GPM6A: variants seen among roughly 807,000 people sequenced by gnomAD.
The protein encoded by GPM6A is neuronal membrane glycoprotein M6-a.
Under a neutral mutation model 32.1 loss-of-function variants are expected in GPM6A, and 7 were observed. The ratio of observed to expected loss-of-function variants is 0.22; its 90% confidence interval spans 0.12 to 0.41. The LOEUF is 0.41. Ranked by LOEUF, GPM6A falls within the 10% of genes least tolerant of loss-of-function variation. The pLI is 1.00. For synonymous variants in GPM6A, 130 were observed against 123.4 expected, an observed-to-expected ratio of 1.05 and a Z score of -0.35; for missense variants, 235 against 347.2, an observed-to-expected ratio of 0.68 and a Z score of 2.57.
chr4:175,873,262 T>C (rs986138854), intron 1 of GPM6A, among the ~76,000 whole-genome samples: 9 of 152,068 alleles, frequency 5.9e-5, no homozygotes, highest in African/African-American at 2.2e-4. Flanking sequence ...AAGTACTTTG[T>C]CATTTCTAAT....
At chr4:175,662,352 C>A (rs779514437) in intron 3 of GPM6A, among the ~76,000 whole-genome samples, 2 of 152,168 alleles carry the variant, frequency 1.3e-5, no homozygotes, top group African/African-American at 2.4e-5. Flanking sequence ...GTAATCCCGG[C>A]ACTTTCAGAG....
intron 1 of GPM6A, among the ~76,000 whole-genome samples, chr4:175,882,683 G>A (rs1026157662): frequency 1.3e-5 from 2 of 151,818 alleles, no homozygotes; most frequent in Non-Finnish European, 2.9e-5. Context: ...CAGGTGCTAT[G>A]CCAGACATGT....
intron 1 of GPM6A, among the ~76,000 whole-genome samples, chr4:175,933,600 T>A (rs1419886455): frequency 6.8e-6 from 1 of 148,128 alleles, no homozygotes; most frequent in African/African-American, 2.5e-5. Context: ...TTGTTTGTTT[T>A]TTCACGATCT....
rs978087286 is a variant in GPM6A at position 175,968,525 on chromosome 4, A to G, written c.-23+33784T>C. Among the ~76,000 whole-genome samples the G allele has an allele frequency of 1.1e-4, 16 of 152,194 alleles. 1 individual carries two copies. Among genetic ancestry groups the G allele is most frequent in the Admixed American group, 9.8e-4 (15 of 15,284 alleles). On this transcript the variant is annotated intron_variant, in intron 1 of 7. Coordinates refer to the GPM6A transcript ENST00000280187. ...TGGGAGAAAAATCTTTGCAAAACAC[A>G]TATTTGATTAATGACTGGCATCCAA...
intron 1 of GPM6A, among the ~76,000 whole-genome samples, chr4:175,886,422 G>T (rs189784346): frequency 3.2e-4 from 49 of 152,238 alleles, no homozygotes; most frequent in African/African-American, 1.2e-3. Flanking sequence ...TGCCTTTCAA[G>T]AAAGAGTGTG....
intron 6 of GPM6A, among the ~76,000 whole-genome samples, chr4:175,635,289 A>C (rs761947511): frequency 5.3e-5 from 8 of 152,068 alleles, no homozygotes; most frequent in Non-Finnish European, 1.2e-4. Context: ...TCTCCTTTTC[A>C]ATTCTTGGAA....
chr4:175,927,899 GA>G (rs544991257), intron 1 of GPM6A, among the ~76,000 whole-genome samples: 1 of 152,088 alleles, frequency 6.6e-6, no homozygotes, highest in African/African-American at 2.4e-5. Flanking sequence ...AGAAAAAAAA[GA>G]ATAAAGATAT....
intron 1 of GPM6A, chr4:175,962,634 G>A (rs529460926): frequency 8.3e-6 from 2 of 241,972 alleles, no homozygotes; most frequent in South Asian, 5.9e-5. Context: ...ACGGACACCT[G>A]AGGATATTTT....
chr4:175,666,241 G>A (rs988640892), intron 3 of GPM6A, among the ~76,000 whole-genome samples: 1 of 151,964 alleles, frequency 6.6e-6, no homozygotes, highest in African/African-American at 2.4e-5. Context: ...CTTTTGACCC[G>A]TGTTCCCAAT....
At chr4:175,886,406 C>T (rs989280760) in intron 1 of GPM6A, among the ~76,000 whole-genome samples, 2 of 152,084 alleles carry the variant, frequency 1.3e-5, no homozygotes, top group African/African-American at 2.4e-5. Flanking sequence ...TTAAAGCAGG[C>T]TAAATTGCCT....
Position 175,669,308 on chromosome 4 carries a change from G to T in GPM6A, c.387+4372C>A, listed in dbSNP as rs144818703. On this transcript the variant is annotated intron_variant, in intron 3 of 6. Transcript: ENST00000393658. Reference sequence around the variant, plus strand: ...TGTGGCCAAATCTACAAACACCTGAGGCTAATAAGACAGATGTTTTAAACT... The same window carrying T: ...TGTGGCCAAATCTACAAACACCTGATGCTAATAAGACAGATGTTTTAAACT... Among the ~76,000 whole-genome samples the T allele has an allele frequency of 5.1e-3, 783 of 152,192 alleles. 9 individuals are homozygous for T. Among genetic ancestry groups the T allele is most frequent in the African/African-American group, 0.018 (754 of 41,526 alleles).
intron 1 of GPM6A, among the ~76,000 whole-genome samples, chr4:175,785,383 T>G (rs1733761680): frequency 6.6e-6 from 1 of 152,190 alleles, no homozygotes; most frequent in Non-Finnish European, 1.5e-5. Flanking sequence ...GAAGAATGAA[T>G]CAGACAACCC....
intron 1 of GPM6A, among the ~76,000 whole-genome samples, chr4:175,953,029 T>A (rs1330983062): frequency 2.1e-5 from 3 of 139,674 alleles, no homozygotes; most frequent in African/African-American, 7.7e-5. Context: ...GACCCTGTTT[T>A]TAAAAAAAAA....
chr4:175,811,422 G>C (rs1041500091), intron 1 of GPM6A, among the ~76,000 whole-genome samples: 4 of 152,086 alleles, frequency 2.6e-5, no homozygotes, highest in Admixed American at 6.5e-5. Flanking sequence ...GCTACCATTT[G>C]ACACGTTAAA....
chr4:175,670,064 G>A (rs1006730726), intron 3 of GPM6A, among the ~76,000 whole-genome samples: 8 of 151,900 alleles, frequency 5.3e-5, no homozygotes, highest in African/African-American at 1.7e-4. Context: ...CCTGAACTGT[G>A]AGACAATGAA....
chr4:175,670,943 A>C (rs1176961932), intron 3 of GPM6A, among the ~76,000 whole-genome samples: 1 of 147,942 alleles, frequency 6.8e-6, no homozygotes, highest in African/African-American at 2.5e-5. Flanking sequence ...GGCTCACTGC[A>C]ACCTCTGCCT....
At chr4:175,785,616 AAAG>A (rs1733768432) in intron 1 of GPM6A, among the ~76,000 whole-genome samples, 2 of 152,184 alleles carry the variant, frequency 1.3e-5, no homozygotes, top group African/African-American at 4.8e-5. Flanking sequence ...AGGCAGAACT[AAAG>A]AAGAAACCCC....
intron 1 of GPM6A, among the ~76,000 whole-genome samples, chr4:175,935,485 C>T (rs1387000273): frequency 1.3e-5 from 2 of 152,156 alleles, no homozygotes; most frequent in African/African-American, 4.8e-5. Flanking sequence ...ACTGCCACCT[C>T]TAACCCATTA....
At chr4:175,834,963 T>C (rs1022456618) in intron 1 of GPM6A, among the ~76,000 whole-genome samples, 3 of 152,214 alleles carry the variant, frequency 2.0e-5, no homozygotes, top group Non-Finnish European at 2.9e-5. Flanking sequence ...TAGAACTAAC[T>C]ACGCTGCCTT....
Sources: allele counts gnomAD v4.1 joint callset (sites outside exome capture counted in the v4.1 genomes callset), GRCh38; gene constraint gnomAD v4.1.1; transcripts MANE v1.5; gene names NCBI Gene and HGNC (gene_info 2026-07-23, HGNC 2026-07-21).